COMMD1: variants seen among roughly 807,000 people sequenced by gnomAD.
COMMD1 encodes the protein COMM domain-containing protein 1.
In COMMD1, 10 loss-of-function variants were observed where a neutral mutation model predicts 17.2. The observed-to-expected ratio is 0.58, with a 90% CI of 0.36 to 0.99. The LOEUF is 0.99. Among genes scored for constraint, COMMD1 ranks in the 50% least tolerant of loss-of-function variants. The pLI, the probability that COMMD1 is intolerant of heterozygous loss-of-function variation, is 0.01. For synonymous variants in COMMD1, 97 were observed against 91.6 expected, an observed-to-expected ratio of 1.06 and a Z score of -0.34; for missense variants, 270 against 231.8, an observed-to-expected ratio of 1.17 and a Z score of -1.07.
intron 2 of COMMD1, among the ~76,000 whole-genome samples, chr2:62,095,708 T>A (rs1253330750): frequency 1.3e-5 from 2 of 148,232 alleles, no homozygotes; most frequent in Admixed American, 6.8e-5. Context: ...AACAAGATAA[T>A]AATGGATTCA....
At chr2:61,942,250 T>A (rs1355950841) in intron 1 of COMMD1, among the ~76,000 whole-genome samples, 1 of 151,358 alleles carries the variant, frequency 6.6e-6, no homozygotes, top group Non-Finnish European at 1.5e-5. Context: ...ATTACAGGCA[T>A]GCGCCACCAC....
chr2:62,059,025 A>G (rs557382868), intron 2 of COMMD1, among the ~76,000 whole-genome samples: 10 of 152,180 alleles, frequency 6.6e-5, no homozygotes, highest in African/African-American at 2.4e-4. Context: ...TGATCCACCC[A>G]CCTTATCCTC....
chr2:61,923,589 G>A (rs112687565), intron 1 of COMMD1, among the ~76,000 whole-genome samples: 1 of 152,176 alleles, frequency 6.6e-6, no homozygotes, highest in African/African-American at 2.4e-5. Context: ...GTATAGAAAT[G>A]TGTGTTGAGT....
chr2:61,964,288 A>C (rs1671448467), intron 1 of COMMD1, among the ~76,000 whole-genome samples: 1 of 151,984 alleles, frequency 6.6e-6, no homozygotes, highest in African/African-American at 2.4e-5. Flanking sequence ...TGGTGTGATC[A>C]TGGCTCACTG....
At chr2:62,044,018 TTCCAC>T in intron 2 of COMMD1, among the ~76,000 whole-genome samples, 1 of 152,146 alleles carries the variant, frequency 6.6e-6, no homozygotes, top group Admixed American at 6.5e-5. Context: ...TCCAAACATT[TTCCAC>T]ACAAAAATCA....
intron 2 of COMMD1, among the ~76,000 whole-genome samples, chr2:62,006,458 GA>G (rs1669126146): frequency 1.3e-5 from 2 of 152,174 alleles, no homozygotes; most frequent in African/African-American, 4.8e-5. Flanking sequence ...CAGAGTAATA[GA>G]AGGCATTATA....
At chr2:62,026,096 G>C (rs1395810285) in intron 2 of COMMD1, among the ~76,000 whole-genome samples, 1 of 152,102 alleles carries the variant, frequency 6.6e-6, no homozygotes, top group East Asian at 1.9e-4. Flanking sequence ...TCAGACACAG[G>C]CCTCTCTGAT....
At chr2:61,920,915 G>A (rs1293685495) in intron 1 of COMMD1, among the ~76,000 whole-genome samples, 2 of 148,724 alleles carry the variant, frequency 1.3e-5, no homozygotes, top group African/African-American at 5.0e-5. Flanking sequence ...GTATATATAT[G>A]TATGTGTATA....
At chr2:61,913,473 C>T (rs1393884278) in intron 1 of COMMD1, among the ~76,000 whole-genome samples, 8 of 151,020 alleles carry the variant, frequency 5.3e-5, no homozygotes, top group Non-Finnish European at 7.4e-5. Context: ...GTCAGGAGAT[C>T]GAGACCATCC....
intron 1 of COMMD1, among the ~76,000 whole-genome samples, chr2:61,997,086 G>T (rs1668785234): frequency 6.7e-6 from 1 of 149,982 alleles, no homozygotes; most frequent in African/African-American, 2.5e-5. Context: ...TTTAGACAGG[G>T]TCTTGCTGTG....
chr2:62,123,697 T>A (rs1401142346), intron 2 of COMMD1, among the ~76,000 whole-genome samples: 1 of 151,826 alleles, frequency 6.6e-6, no homozygotes, highest in African/African-American at 2.4e-5. Flanking sequence ...CTTTGTTACT[T>A]TTCTGATTCT....
At chr2:61,908,026 A>G (rs1044383391) in intron 1 of COMMD1, among the ~76,000 whole-genome samples, 2 of 151,888 alleles carry the variant, frequency 1.3e-5, no homozygotes, top group African/African-American at 4.8e-5. Context: ...AATAATATCC[A>G]GGATACTTGA....
upstream of COMMD1, among the ~76,000 whole-genome samples, chr2:61,902,639 A>C (rs1423603224): frequency 6.6e-6 from 1 of 152,232 alleles, no homozygotes; most frequent in Non-Finnish European, 1.5e-5. Context: ...AAGAAATGCG[A>C]ATTAAAACAG....
chr2:61,981,140 A>G lies in COMMD1; in HGVS notation c.181-19561A>G, dbSNP rs1186752539. ...GTTGATGGCTTCCTTTGCTGTGCAGAAGCCTTTTAACTTAATGTGATCCCA... is the reference window on the plus strand; with the variant it reads ...GTTGATGGCTTCCTTTGCTGTGCAGGAGCCTTTTAACTTAATGTGATCCCA... On this transcript the variant is annotated intron_variant, in intron 1 of 2. Coordinates refer to ENST00000311832, the MANE Select transcript of COMMD1 (RefSeq NM_152516.4). Among the ~76,000 whole-genome samples the G allele has an allele frequency of 2.0e-5, 3 of 152,100 alleles. No individual in the cohort carries two copies. In the East Asian group the frequency reaches 5.8e-4, roughly 29 times the overall value.
intron 1 of COMMD1, among the ~76,000 whole-genome samples, chr2:61,989,823 G>C (rs1338464387): frequency 6.6e-6 from 1 of 152,154 alleles, no homozygotes; most frequent in African/African-American, 2.4e-5. Context: ...TGTGTTTGTA[G>C]AGCGCCTACT....
chr2:62,105,231 G>A (rs1432012506), intron 2 of COMMD1, among the ~76,000 whole-genome samples: 4 of 151,872 alleles, frequency 2.6e-5, no homozygotes, highest in Admixed American at 2.6e-4. Context: ...TATTATGGTT[G>A]TCAGAATCTG....
At chr2:62,017,586 C>G (rs1669487409) in intron 2 of COMMD1, among the ~76,000 whole-genome samples, 2 of 151,884 alleles carry the variant, frequency 1.3e-5, no homozygotes, top group Admixed American at 6.6e-5. Context: ...GGGAGGATTG[C>G]CTGGGCCCAG....
chr2:62,020,390 CTCTGAGTTT>C (rs1443460621), intron 2 of COMMD1, among the ~76,000 whole-genome samples: 1 of 152,180 alleles, frequency 6.6e-6, no homozygotes, highest in Non-Finnish European at 1.5e-5. Context: ...TGTTTCCACA[CTCTGAGTTT>C]TCTTTTCTGT....
At chr2:61,983,280 C>G (rs998729919) in intron 1 of COMMD1, among the ~76,000 whole-genome samples, 3 of 151,124 alleles carry the variant, frequency 2.0e-5, no homozygotes, top group African/African-American at 7.3e-5. Flanking sequence ...ACCTCCGCAT[C>G]CTGGGTTCAA....
Sources: gnomAD v4.1 joint callset for allele counts (sites outside exome capture counted in the v4.1 genomes callset) on GRCh38, gnomAD v4.1.1 for gene constraint, MANE v1.5 for transcripts, NCBI Gene and HGNC (gene_info 2026-07-23, HGNC 2026-07-21) for gene names.